Variants in ST7L observed in about 807,000 individuals in gnomAD.
The protein encoded by ST7L is suppression of tumorigenicity 7 like.
Under a neutral mutation model 72.5 loss-of-function variants are expected in ST7L, and 57 were observed. The ratio of observed to expected loss-of-function variants is 0.79; its 90% confidence interval spans 0.64 to 0.98. The LOEUF is 0.98. Among genes scored for constraint, ST7L ranks in the 50% least tolerant of loss-of-function variants. ST7L has a pLI of 0.00. For synonymous variants in ST7L, 221 were observed against 240.9 expected, an observed-to-expected ratio of 0.92 and a Z score of 0.77; for missense variants, 576 against 672.2, an observed-to-expected ratio of 0.86 and a Z score of 1.58.
At chr1:112,596,610 A>G (rs1666516639) in intron 5 of ST7L, among the ~76,000 whole-genome samples, 1 of 152,040 alleles carries the variant, frequency 6.6e-6, no homozygotes, top group East Asian at 1.9e-4. Flanking sequence ...TTGCTTAGAC[A>G]TCTGTGACAT....
intron 14 of ST7L, among the ~76,000 whole-genome samples, chr1:112,533,925 C>T (rs1017232994): frequency 6.6e-6 from 1 of 152,086 alleles, no homozygotes; most frequent in Non-Finnish European, 1.5e-5. Context: ...AGCAATCCTC[C>T]CACCTCAGCC....
At position 112,588,143 on chromosome 1, in the gene ST7L, TTTTG is replaced by T. The variant is rs1278200587; in HGVS notation, c.701+3378_701+3381del. Among the ~76,000 whole-genome samples the T allele has an allele frequency of 7.9e-5, 12 of 152,390 alleles. No individual in the cohort carries two copies. In the East Asian group the frequency reaches 2.1e-3, roughly 27 times the overall value. Reference sequence around the variant, plus strand: ...CATACAACTGATTTTCATATGTTGATTTTGTTTCTCACAATTTTGTAAACTTTCA... The same window carrying T: ...CATACAACTGATTTTCATATGTTGATTTTCTCACAATTTTGTAAACTTTCA... On this transcript the variant is annotated intron_variant, in intron 6 of 14. Transcript: ENST00000358039.
chr1:112,596,287 C>T (rs1260836471), intron 5 of ST7L, among the ~76,000 whole-genome samples: 2 of 152,180 alleles, frequency 1.3e-5, no homozygotes, highest in Admixed American at 6.5e-5. Context: ...AGATAAATCA[C>T]TATGAACTCA....
intron 11 of ST7L, among the ~76,000 whole-genome samples, chr1:112,570,566 T>TACACACACACAC (rs1349137965): frequency 6.0e-5 from 8 of 134,006 alleles, no homozygotes; most frequent in African/African-American, 2.2e-4. Flanking sequence ...TATATATATA[T>TACACACACACAC]ATATACACAC....
chr1:112,570,207 T>C (rs1020566778), intron 11 of ST7L, among the ~76,000 whole-genome samples: 13 of 152,068 alleles, frequency 8.5e-5, no homozygotes, highest in African/African-American at 1.2e-4. Context: ...TCAAAAACCA[T>C]GAACACATGC....
At chr1:112,584,222 T>A in intron 6 of ST7L, 96 bp from the exon 7 acceptor site, 2 of 1,240,890 alleles carry the variant, frequency 1.6e-6, no homozygotes, top group Non-Finnish European at 2.1e-6. Context: ...TTTCCTTACC[T>A]ACACTTTTTC....
chr1:112,582,164 G>A (rs981963970), intron 8 of ST7L, 58 bp from the exon 9 acceptor site: 54 of 1,283,674 alleles, frequency 4.2e-5, no homozygotes, highest in South Asian at 3.2e-4. Flanking sequence ...CAATAGAGCT[G>A]AGCCAGATTC....
At chr1:112,556,593 T>G (rs1659148054) in intron 11 of ST7L, among the ~76,000 whole-genome samples, 1 of 152,194 alleles carries the variant, frequency 6.6e-6, no homozygotes, top group African/African-American at 2.4e-5. Context: ...GCTTTGCCTG[T>G]TCTGTGGAGC....
At chr1:112,618,101 C>T in intron 1 of ST7L, 4 of 1,301,222 alleles carry the variant, frequency 3.1e-6, no homozygotes, top group Non-Finnish European at 4.0e-6. Flanking sequence ...AATGGAAATA[C>T]TTATATCTTG....
At chr1:112,598,432 G>A (rs1220386355) in intron 4 of ST7L, among the ~76,000 whole-genome samples, 1 of 149,326 alleles carries the variant, frequency 6.7e-6, no homozygotes, top group African/African-American at 2.5e-5. Context: ...GAGCCAGTGA[G>A]CCCTGTCTTT....
At chr1:112,608,284 A>G (rs1668570191) in intron 3 of ST7L, among the ~76,000 whole-genome samples, 1 of 152,100 alleles carries the variant, frequency 6.6e-6, no homozygotes, top group Admixed American at 6.6e-5. Context: ...CTCCTAAAGC[A>G]CTAGAATTAT....
chr1:112,543,966 T>C (rs1656645985), intron 13 of ST7L, among the ~76,000 whole-genome samples: 2 of 151,786 alleles, frequency 1.3e-5, no homozygotes, highest in African/African-American at 2.4e-5. Flanking sequence ...CATATTTACA[T>C]ATTTACTCAG....
chr1:112,601,651 C>T (rs1667411252), intron 3 of ST7L, among the ~76,000 whole-genome samples: 1 of 152,094 alleles, frequency 6.6e-6, no homozygotes, highest in Non-Finnish European at 1.5e-5. Flanking sequence ...TGTTGAATCA[C>T]TGTAAAAAAT....
downstream of ST7L, chr1:112,520,154 G>A (rs1328208878): frequency 2.3e-6 from 2 of 861,562 alleles, no homozygotes; most frequent in Non-Finnish European, 3.6e-6. Context: ...TGATAGGCAT[G>A]AGTGAGCCAC....
chr1:112,521,247 TA>T (rs1457341773), downstream of ST7L: 2 of 152,102 alleles, frequency 1.3e-5, no homozygotes, highest in African/African-American at 4.8e-5. Flanking sequence ...AACAAATCAT[TA>T]AAACACCCTA....
At position 112,598,027 on chromosome 1, in the gene ST7L, T is replaced by G; in HGVS notation, c.566A>C (p.Gln189Pro). ...LTYYDMNLSAQDHQTFFTCDT... is the reference protein window; with the variant it reads ...LTYYDMNLSAPDHQTFFTCDT... ...ACAGGTGAAAAAGGTCTGATGGTCC[T>G]GAGCTGACAGGTTCATGTCATAGTA... The change falls in exon 5 of 15, where the codon CAG becomes CCG. Residue 189 changes from glutamine (Q) to proline (P), a missense_variant. Gln to Pro is a moderately conservative substitution (Grantham distance 76, BLOSUM62 -1). Coordinates refer to ENST00000358039, the MANE Select transcript of ST7L (RefSeq NM_017744.5). 1 of 1,613,926 alleles carries G rather than the reference T, an allele frequency of 6.2e-7. No individual in the cohort carries two copies. The highest frequency in any genetic ancestry group is 8.5e-7 in the Non-Finnish European group (1 of 1,179,918).
At chr1:112,519,588 A>G (rs930494724), downstream of ST7L, among the ~76,000 whole-genome samples, 5 of 152,174 alleles carry the variant, frequency 3.3e-5, no homozygotes, top group African/African-American at 1.2e-4. Context: ...CATGATCCCT[A>G]TCCTAGAGTT....
At chr1:112,534,381 C>T (rs1654854983) in intron 14 of ST7L, among the ~76,000 whole-genome samples, 1 of 152,192 alleles carries the variant, frequency 6.6e-6, no homozygotes, top group African/African-American at 2.4e-5. Context: ...CATCACTTAA[C>T]TTTGATGACT....
At chr1:112,616,251 A>T (rs1669851896) in intron 2 of ST7L, among the ~76,000 whole-genome samples, 1 of 152,134 alleles carries the variant, frequency 6.6e-6, no homozygotes, top group Non-Finnish European at 1.5e-5. Context: ...TTAATTTCCA[A>T]CACACCCCAA....
Sources: allele counts gnomAD v4.1 joint callset (sites outside exome capture counted in the v4.1 genomes callset), GRCh38; gene constraint gnomAD v4.1.1; transcripts MANE v1.5; gene names NCBI Gene and HGNC (gene_info 2026-07-23, HGNC 2026-07-21).